Variants in DCDC1 observed in about 807,000 individuals in gnomAD.
DCDC1 encodes the protein doublecortin domain-containing protein 1.
DCDC1 carries 200 observed loss-of-function variants against 178.3 expected under a neutral mutation model. That is an observed-to-expected ratio of 1.12 (90% CI 1.00 to 1.26). DCDC1 has a LOEUF of 1.26. Among genes scored for constraint, DCDC1 ranks in the 50% most tolerant of loss-of-function variants. The pLI is 0.00. For synonymous variants in DCDC1, 690 were observed against 604.8 expected (o/e 1.14, Z -2.07); for missense variants, 1,983 against 1,749.2 (o/e 1.13, Z -2.38).
chr11:31,315,019 A>G (rs1565599032), intron 3 of DCDC1, among the ~76,000 whole-genome samples: 2 of 152,214 alleles, frequency 1.3e-5, no homozygotes, highest in Non-Finnish European at 2.9e-5. Context: ...AAAATATAAG[A>G]AAATATTCTT....
chr11:31,245,607 G>T (rs183010235), intron 8 of DCDC1, among the ~76,000 whole-genome samples: 76 of 151,722 alleles, frequency 5.0e-4, no homozygotes, highest in African/African-American at 1.8e-3. Context: ...ATAAGATTTG[G>T]GAAGGAAGCA....
At chr11:31,257,509 T>G (rs1384122801) in intron 8 of DCDC1, among the ~76,000 whole-genome samples, 1 of 147,724 alleles carries the variant, frequency 6.8e-6, no homozygotes, top group Non-Finnish European at 1.5e-5. Flanking sequence ...ATCGGATTCC[T>G]GAAGGAATCA....
chr11:31,198,663 C>T, intron 9 of DCDC1, among the ~76,000 whole-genome samples: 2 of 151,944 alleles, frequency 1.3e-5, no homozygotes, highest in South Asian at 4.1e-4. Flanking sequence ...TCATTTGTAC[C>T]CTCTTCAAAT....
chr11:31,287,171 A>G lies in DCDC1; in HGVS notation c.960+3476T>C, dbSNP rs368222493. On this transcript the variant is annotated intron_variant, in intron 7 of 38. Transcript: ENST00000684477. ...TATTTAAAGTAAGTCTGTAACATTA[A>G]AGATCAAAATCAAATAAAACAAAAG... Among the ~76,000 whole-genome samples the G allele has an allele frequency of 2.2e-3, 342 of 152,092 alleles. 3 individuals carry two copies. Among genetic ancestry groups the G allele is most frequent in the Non-Finnish European group, 3.2e-3 (215 of 67,938 alleles).
chr11:31,276,410 G>T lies in DCDC1; in HGVS notation c.961-10810C>A, dbSNP rs149373668. Among the ~76,000 whole-genome samples, 17 of 152,134 alleles carry T rather than the reference G, an allele frequency of 1.1e-4. No homozygotes were observed. The East Asian group carries it at 2.7e-3, about 24-fold the overall frequency. ...TCACCTTTGGCAATTAATTGTACTT[G>T]CTCAGTAGAAGAGAACTACCATTTA... is the stretch of plus-strand genomic sequence containing the variant. On this transcript the variant is annotated intron_variant, in intron 7 of 38. Coordinates refer to ENST00000684477, the MANE Select transcript of DCDC1 (RefSeq NM_001387274.1).
intron 16 of DCDC1, 149 bp from the exon 17 acceptor site, chr11:31,091,660 C>A: frequency 1.7e-6 from 1 of 597,624 alleles, no homozygotes; most frequent in Non-Finnish European, 3.0e-6. Context: ...CACAACTTAG[C>A]AGTCAGCGAG....
chr11:31,244,476 C>G (rs1977587916), intron 8 of DCDC1, among the ~76,000 whole-genome samples: 1 of 151,718 alleles, frequency 6.6e-6, no homozygotes, highest in South Asian at 2.1e-4. Flanking sequence ...AATATTCAAA[C>G]TACTATGTAG....
At chr11:31,307,427 T>C (rs1948528108) in intron 4 of DCDC1, 1 of 554,796 alleles carries the variant, frequency 1.8e-6, no homozygotes, top group Admixed American at 3.5e-5. Flanking sequence ...AGTTTCTGAT[T>C]GCCCGGGTTG....
At chr11:31,341,340 CTGAGTTA>C (rs1184088989) in intron 1 of DCDC1, among the ~76,000 whole-genome samples, 3 of 151,896 alleles carry the variant, frequency 2.0e-5, no homozygotes, top group Non-Finnish European at 2.9e-5. Context: ...AGTAGAATCT[CTGAGTTA>C]TGTTTGGTTT....
At chr11:31,332,635 TA>T (rs1950055450) in intron 2 of DCDC1, among the ~76,000 whole-genome samples, 1 of 152,242 alleles carries the variant, frequency 6.6e-6, no homozygotes, top group South Asian at 2.1e-4. Context: ...TTTCATTATT[TA>T]CCCAGTAGTC....
chr11:31,324,291 A>T (rs536159716), intron 3 of DCDC1, among the ~76,000 whole-genome samples: 2 of 152,182 alleles, frequency 1.3e-5, no homozygotes, highest in African/African-American at 4.8e-5. Flanking sequence ...CATCGGGGGC[A>T]TAAATCATTC....
Position 31,064,712 on chromosome 11 carries a change from A to G in DCDC1, c.2434-86T>C, listed in dbSNP as rs1359535779. 1.6e-5 allele frequency: 11 copies of G among 698,854 alleles called. No individual in the cohort carries two copies. In the East Asian group the frequency reaches 2.7e-4, roughly 17 times the overall value. The allele number at this position is 698,854 out of a possible 1,614,324, so 43.3% of individuals were successfully genotyped here. A position where few individuals can be genotyped will look rare whatever the true frequency, so the allele number is the denominator to read the frequency against. On this transcript the variant is annotated intron_variant, in intron 19 of 38. Coordinates refer to ENST00000684477, the MANE Select transcript of DCDC1 (RefSeq NM_001387274.1). ...ATACATGCCAAAAATATAACACTGC[A>G]GTTTTCATGGTGCCTTCAGTGTTTC...
At chr11:31,203,965 T>G (rs896701296) in intron 9 of DCDC1, among the ~76,000 whole-genome samples, 1 of 152,232 alleles carries the variant, frequency 6.6e-6, no homozygotes, top group Non-Finnish European at 1.5e-5. Flanking sequence ...CAAGGACCAA[T>G]AGTAATATTC....
At chr11:31,103,546 A>T in intron 14 of DCDC1, 98 bp downstream of exon 14, 1 of 587,322 alleles carries the variant, frequency 1.7e-6, no homozygotes, top group Non-Finnish European at 3.0e-6. Flanking sequence ...CTGAAAGAGC[A>T]TCTTTTAGTG....
At chr11:30,958,427 T>C (rs779278936) in intron 20 of DCDC1, among the ~76,000 whole-genome samples, 1 of 152,130 alleles carries the variant, frequency 6.6e-6, no homozygotes, top group Admixed American at 6.6e-5. Context: ...AAGAGACCCA[T>C]TTTATGGCAA....
At chr11:31,089,612 CT>C (rs34932827) in intron 17 of DCDC1, among the ~76,000 whole-genome samples, 154 of 141,452 alleles carry the variant, frequency 1.1e-3, no homozygotes, top group Admixed American at 1.3e-3. Flanking sequence ...ATGCTCCGTT[CT>C]TTTTTTTTTT....
chr11:31,228,914 A>G (rs1338971419), intron 9 of DCDC1, among the ~76,000 whole-genome samples: 8 of 152,044 alleles, frequency 5.3e-5, no homozygotes. Context: ...GGGGAAAGAG[A>G]GAGAAGGGCT....
chr11:30,960,130 C>G (rs1287164856), intron 20 of DCDC1, among the ~76,000 whole-genome samples: 1 of 152,108 alleles, frequency 6.6e-6, no homozygotes, highest in Non-Finnish European at 1.5e-5. Flanking sequence ...ATCTCTCAAC[C>G]AAGAAGTTGG....
intron 22 of DCDC1, among the ~76,000 whole-genome samples, chr11:30,931,235 C>G (rs1946904077): frequency 6.6e-6 from 1 of 151,772 alleles, no homozygotes; most frequent in South Asian, 2.1e-4. Context: ...AAAATTTTAT[C>G]CCAATAATAA....
Sources: gnomAD v4.1 joint callset for allele counts (sites outside exome capture counted in the v4.1 genomes callset) on GRCh38, gnomAD v4.1.1 for gene constraint, MANE v1.5 for transcripts, NCBI Gene and HGNC (gene_info 2026-07-23, HGNC 2026-07-21) for gene names.